CTNND2: variants seen among roughly 807,000 people sequenced by gnomAD.
CTNND2 encodes catenin delta 2, also known as catenin delta-2.
CTNND2 carries 22 observed loss-of-function variants against 144.4 expected under a neutral mutation model. The ratio of observed to expected loss-of-function variants is 0.15; its 90% confidence interval spans 0.11 to 0.22. The LOEUF (loss-of-function observed/expected upper bound fraction) is 0.22, where lower values mean the gene tolerates loss of function less well. Among genes scored for constraint, CTNND2 ranks in the 10% least tolerant of loss-of-function variants. The probability of loss-of-function intolerance (pLI) is 1.00; values close to 1 mark genes in which losing one functional copy is unlikely to be tolerated. For synonymous variants in CTNND2, 751 were observed against 695.6 expected, an observed-to-expected ratio of 1.08 and a Z score of -1.25; for missense variants, 1,353 against 1,618.8, an observed-to-expected ratio of 0.84 and a Z score of 2.82.
intron 2 of CTNND2, among the ~76,000 whole-genome samples, chr5:11,700,445 T>C (rs1785376702): frequency 6.6e-6 from 1 of 152,126 alleles, no homozygotes; most frequent in Admixed American, 6.5e-5. Flanking sequence ...AAGGTGAGTG[T>C]TCCGACCCTG....
In CTNND2 at chr5:11,293,076, T is replaced by A. The variant is rs1050027001; in HGVS notation, c.1628+53296A>T. Among the ~76,000 whole-genome samples the A allele has an allele frequency of 5.9e-5, 9 of 152,098 alleles. No homozygotes were observed. The East Asian group carries it at 1.7e-3, about 29-fold the overall frequency. ...GAAGTCATCTAGAGTTAGAGATTCATATAATTATTATGCCATTATACAGCT... is the reference window on the plus strand; with the variant it reads ...GAAGTCATCTAGAGTTAGAGATTCAAATAATTATTATGCCATTATACAGCT... On this transcript the variant is annotated intron_variant, in intron 9 of 21. Coordinates refer to ENST00000304623, the MANE Select transcript of CTNND2 (RefSeq NM_001332.4).
chr5:11,587,608 TATA>T (rs1778959393), intron 2 of CTNND2, among the ~76,000 whole-genome samples: 2 of 152,126 alleles, frequency 1.3e-5, no homozygotes, highest in African/African-American at 4.8e-5. Flanking sequence ...TCAAATTTCA[TATA>T]ATATTAATCA....
At chr5:11,777,934 T>C (rs4642367) in intron 1 of CTNND2, among the ~76,000 whole-genome samples, 1 of 152,178 alleles carries the variant, frequency 6.6e-6, no homozygotes, top group Non-Finnish European at 1.5e-5. Context: ...TATTTGGACC[T>C]AAAGTAGTCC....
At chr5:11,640,683 G>A (rs1433538391) in intron 2 of CTNND2, among the ~76,000 whole-genome samples, 1 of 152,160 alleles carries the variant, frequency 6.6e-6, no homozygotes, top group Non-Finnish European at 1.5e-5. Context: ...GTGGAATGTG[G>A]CATGAGTCAC....
chr5:11,197,887 G>A (rs1299613007), intron 11 of CTNND2, among the ~76,000 whole-genome samples: 2 of 152,196 alleles, frequency 1.3e-5, no homozygotes. Flanking sequence ...AATGAATTTT[G>A]TATTGGAGCA....
chr5:11,615,734 G>A lies in CTNND2; in HGVS notation c.175-50678C>T, dbSNP rs551212273. On this transcript the variant is annotated intron_variant, in intron 2 of 21. Transcript: ENST00000304623. ...TCACATAAGTGTATTTTAAATAAAT[G>A]TACCCCATGACACAAGAGCTATGCA... is the stretch of plus-strand genomic sequence containing the variant. 1.9e-3 allele frequency among the ~76,000 whole-genome samples: 283 copies of A among 152,260 alleles called. 2 individuals are homozygous for A. The highest frequency in any genetic ancestry group is 6.5e-3 in the African/African-American group (272 of 41,554).
At chr5:11,883,937 T>C (rs1394931255) in intron 1 of CTNND2, among the ~76,000 whole-genome samples, 1 of 152,204 alleles carries the variant, frequency 6.6e-6, no homozygotes. Context: ...AACAGTGATG[T>C]TGAGCTTTTT....
chr5:11,303,354 A>G (rs1216686951), intron 9 of CTNND2, among the ~76,000 whole-genome samples: 1 of 152,208 alleles, frequency 6.6e-6, no homozygotes, highest in African/African-American at 2.4e-5. Flanking sequence ...TAGTTATGCT[A>G]TGGTTTCTGC....
At chr5:11,200,586 T>G (rs1314824911) in intron 10 of CTNND2, among the ~76,000 whole-genome samples, 1 of 152,180 alleles carries the variant, frequency 6.6e-6, no homozygotes, top group African/African-American at 2.4e-5. Context: ...CTCTACTTAA[T>G]TTTTTGATTA....
chr5:11,447,041 C>T (rs2149904511), intron 3 of CTNND2, among the ~76,000 whole-genome samples: 1 of 152,198 alleles, frequency 6.6e-6, no homozygotes, highest in Non-Finnish European at 1.5e-5. Flanking sequence ...GGTTCTTTAA[C>T]CCCCTTCCCG....
intron 1 of CTNND2, among the ~76,000 whole-genome samples, chr5:11,901,468 A>G (rs1293349893): frequency 6.6e-6 from 1 of 152,252 alleles, no homozygotes; most frequent in African/African-American, 2.4e-5. Context: ...TCTGATGAAC[A>G]ATTTCACTGG....
intron 3 of CTNND2, among the ~76,000 whole-genome samples, chr5:11,436,610 G>A (rs1763799969): frequency 6.6e-6 from 1 of 152,132 alleles, no homozygotes; most frequent in African/African-American, 2.4e-5. Flanking sequence ...CCTTGGTTTT[G>A]ACTGATTCAA....
At chr5:11,030,036 G>A (rs79107933) in intron 16 of CTNND2, among the ~76,000 whole-genome samples, 2 of 150,318 alleles carry the variant, frequency 1.3e-5, no homozygotes, top group Admixed American at 1.3e-4. Context: ...TTGGCTGACA[G>A]TTTTTTTTTT....
At chr5:11,703,631 G>A (rs544108607) in intron 2 of CTNND2, among the ~76,000 whole-genome samples, 7 of 152,196 alleles carry the variant, frequency 4.6e-5, no homozygotes, top group Non-Finnish European at 7.3e-5. Flanking sequence ...AAGATTTAGA[G>A]TGGAATAAAA....
intron 2 of CTNND2, among the ~76,000 whole-genome samples, chr5:11,628,976 T>C (rs953546639): frequency 1.3e-5 from 2 of 152,188 alleles, no homozygotes; most frequent in Non-Finnish European, 2.9e-5. Context: ...ATTTGTGAGA[T>C]AATAAATTCC....
At chr5:11,542,759 A>G (rs1274770229) in intron 3 of CTNND2, among the ~76,000 whole-genome samples, 1 of 152,216 alleles carries the variant, frequency 6.6e-6, no homozygotes, top group East Asian at 1.9e-4. Flanking sequence ...TCAAAGCCTT[A>G]TGCCACTTCT....
chr5:11,755,129 AG>A (rs745777769), intron 1 of CTNND2, among the ~76,000 whole-genome samples: 19 of 151,758 alleles, frequency 1.3e-4, no homozygotes, highest in Admixed American at 4.0e-4. Context: ...CTTGTAAAAC[AG>A]GTCTGGTGGT....
chr5:11,251,499 C>T (rs1460664460), intron 9 of CTNND2, among the ~76,000 whole-genome samples: 1 of 152,218 alleles, frequency 6.6e-6, no homozygotes, highest in Non-Finnish European at 1.5e-5. Context: ...GATTTTGAAA[C>T]TGAACTAATG....
chr5:11,435,332 TG>T (rs1001696001), intron 3 of CTNND2, among the ~76,000 whole-genome samples: 5 of 151,398 alleles, frequency 3.3e-5, no homozygotes, highest in Non-Finnish European at 5.9e-5. Context: ...TTAGTAGAGA[TG>T]GGGTTTCACC....
Sources: gnomAD v4.1 joint callset for allele counts (sites outside exome capture counted in the v4.1 genomes callset) on GRCh38, gnomAD v4.1.1 for gene constraint, MANE v1.5 for transcripts, NCBI Gene and HGNC (gene_info 2026-07-23, HGNC 2026-07-21) for gene names.